TNS2: variants seen among roughly 807,000 people sequenced by gnomAD.
TNS2 encodes tensin 2, also known as tensin-2.
A neutral mutation model predicts 155.7 loss-of-function variants in TNS2; 77 were observed. That is an observed-to-expected ratio of 0.49 (90% CI 0.41 to 0.60). The LOEUF is 0.60. Ranked by LOEUF, TNS2 falls within the 20% of genes least tolerant of loss-of-function variation. The probability of loss-of-function intolerance (pLI) is 0.00; values close to 1 mark genes in which losing one functional copy is unlikely to be tolerated. For missense variants in TNS2, 1,703 were observed against 1,868.8 expected (o/e 0.91, Z 1.64); for synonymous variants, 726 against 763.9 (o/e 0.95, Z 0.82).
chr12:53,058,824 G>A lies in TNS2; in HGVS notation c.1402G>A (p.Asp468Asn). The A allele has an allele frequency of 6.2e-7, 1 of 1,613,372 alleles. No homozygotes were observed. Among genetic ancestry groups the A allele is most frequent in the Non-Finnish European group, 8.5e-7 (1 of 1,179,956 alleles). Reference sequence around the variant, plus strand: ...CAACCAGCACCACGAGGACAGTGTGGATGGTGCGCAGGCAGCCTGCAGGGT... The same window carrying A: ...CAACCAGCACCACGAGGACAGTGTGAATGGTGCGCAGGCAGCCTGCAGGGT... Reference protein sequence around the residue: ...NFNQHHEDSVDGSLTHTRGPL... With the variant: ...NFNQHHEDSVNGSLTHTRGPL... Residue 468 changes from aspartate to asparagine, a missense_variant, in exon 17 of 29, where the codon GAT (aspartate) becomes AAT (asparagine). Coordinates refer to ENST00000314250, the MANE Select transcript of TNS2 (RefSeq NM_170754.4).
At position 53,057,196 on chromosome 12, in the gene TNS2, C is replaced by G. The variant is rs111536532; in HGVS notation, c.845+100C>G. The stretch of plus-strand genomic sequence containing the variant: ...ATGCAGCACACTTTCACTGAGTGTG[C>G]CAAGCGCCGTGCCAGGTGCTGAGAA... On this transcript the variant is annotated intron_variant, in intron 11 of 28. Transcript: ENST00000314250. The G allele has an allele frequency of 6.9e-4, 911 of 1,311,004 alleles. 9 individuals carry two copies. In the African/African-American group the frequency reaches 0.012, roughly 17 times the overall value. 81.2% of individuals were successfully genotyped at this position (1,311,004 alleles called of 1,614,324 possible). A position where few individuals can be genotyped will look rare whatever the true frequency, so the allele number is the denominator to read the frequency against.
In TNS2 at chr12:53,050,518, C is replaced by G. The variant is rs1246874673; in HGVS notation, c.75+258C>G. Among the ~76,000 whole-genome samples, 3 of 152,056 alleles carry G rather than the reference C, an allele frequency of 2.0e-5. No homozygotes were observed. The highest frequency in any genetic ancestry group is 7.2e-5 in the African/African-American group (3 of 41,392). The stretch of plus-strand genomic sequence containing the variant: ...GCCAACCCCAGGAGGTCCTGGCCCC[C>G]CAACATAAGCCCCAGGTGCCTCACT... On this transcript the variant is annotated intron_variant, in intron 1 of 28. Transcript: ENST00000314250. The surrounding 1 kb of genome is among the most constrained non-coding windows in gnomAD (Gnocchi z 4.7).
In TNS2 at chr12:53,059,951, C is replaced by A; in HGVS notation, c.2310C>A (p.Tyr770Ter). The change falls in exon 18 of 29, where the codon TAC (tyrosine) becomes TAA (stop). Residue 770 changes from tyrosine to a stop codon, truncating the protein, a stop_gained. Coordinates refer to ENST00000314250, the MANE Select transcript of TNS2 (RefSeq NM_170754.4). LOFTEE classifies it high-confidence loss of function. This position sits in a 1 kb window ranked among gnomAD's most constrained non-coding sequence, Gnocchi z 4.7. ...AGEEGHEGCS[Y>*]TMCPEGRYGH... ...AGGAAGGGCACGAGGGCTGCTCCTA[C>A]ACCATGTGCCCCGAAGGCAGGTATG... 1 of 1,612,638 alleles carries A rather than the reference C, an allele frequency of 6.2e-7. No homozygotes were observed.
intron 22 of TNS2, 101 bp downstream of exon 22, chr12:53,062,041 T>A (rs917317289): frequency 1.9e-6 from 3 of 1,611,450 alleles, no homozygotes; most frequent in Non-Finnish European, 1.7e-6. Context: ...GCCATGCCGC[T>A]GTAGAGGGGA....
chr12:53,058,119 C>T lies in TNS2; in HGVS notation c.1095+17C>T. On this transcript the variant is annotated intron_variant, in intron 14 of 28. Coordinates refer to ENST00000314250, the MANE Select transcript of TNS2 (RefSeq NM_170754.4). ...GATGTCATGGTGAGGGGGGTCCTGT[C>T]AACAAGAAGAATCCTGGAGATGGGG... 2 of 1,614,160 alleles carry T rather than the reference C, an allele frequency of 1.2e-6. No individual in the cohort carries two copies. The highest frequency in any genetic ancestry group is 1.6e-4 in the Middle Eastern group (1 of 6,062).
rs368056699 is a variant in TNS2 at position 53,054,407 on chromosome 12, A to C, written c.488A>C (p.His163Pro). ...RHRGHLRELAHVLQSKHRDKY... is the reference protein window; with the variant it reads ...RHRGHLRELAPVLQSKHRDKY... ...CGGGGCCACCTGCGCGAGCTGGCCC[A>C]TGTGCTGCAATCCAAGCACCGGGAC... The change falls in exon 7 of 29, where the codon CAT becomes CCT. Residue 163 changes from histidine to proline, a missense_variant. By Grantham distance (77) the His-to-Pro change is moderately conservative (BLOSUM62 -2). Coordinates refer to ENST00000314250, the MANE Select transcript of TNS2 (RefSeq NM_170754.4). The C allele has an allele frequency of 6.2e-7, 1 of 1,606,304 alleles. No homozygotes were observed. Among genetic ancestry groups the C allele is most frequent in the South Asian group, 1.1e-5 (1 of 90,742 alleles).
rs560324929 is a variant in TNS2, at chr12:53,050,962, G to A, written c.75+702G>A. ...TGAACTCCAGAGGAGGGGGAATATG[G>A]GTAAAACAGAGAGATGGCAAGGAGA... On this transcript the variant is annotated intron_variant, in intron 1 of 28. Transcript: ENST00000314250. This position sits in a 1 kb window ranked among gnomAD's most constrained non-coding sequence, Gnocchi z 4.7. Among the ~76,000 whole-genome samples, 4 of 152,226 alleles carry A rather than the reference G, an allele frequency of 2.6e-5. No individual in the cohort carries two copies. In the South Asian group the frequency reaches 6.2e-4, roughly 24 times the overall value.
intron 2 of TNS2, 42 bp from the exon 3 acceptor site, chr12:53,052,413 A>T (rs1303169978): frequency 1.2e-6 from 2 of 1,613,198 alleles, no homozygotes; most frequent in South Asian, 1.1e-5. Flanking sequence ...CCACTGTCCC[A>T]CAGGCCCCTG....
In TNS2 at chr12:53,057,623, C is replaced by G. The variant is rs762966406; in HGVS notation, c.902C>G (p.Pro301Arg). The G allele has an allele frequency of 1.9e-6, 3 of 1,614,014 alleles. No homozygotes were observed. Among genetic ancestry groups the G allele is most frequent in the African/African-American group, 1.3e-5 (1 of 75,036 alleles). Residue 301 changes from proline to arginine, a missense_variant, in exon 12 of 29, where the codon CCT (proline) becomes CGT (arginine). Transcript: ENST00000314250. ...LSGSIRMNSS[P>R]LFLHYVLIPM... ...GGCTCCATCAGAATGAACAGCAGCCCTCTCTTCCTGCACTATGTGCTCATC... is the reference window on the plus strand; with the variant it reads ...GGCTCCATCAGAATGAACAGCAGCCGTCTCTTCCTGCACTATGTGCTCATC...
At position 53,055,801 on chromosome 12, in the gene TNS2, G is replaced by C. The variant is rs1013478046; in HGVS notation, c.717G>C (p.Gly239=). The C allele has an allele frequency of 6.2e-6, 10 of 1,614,070 alleles. No homozygotes were observed. The highest frequency in any genetic ancestry group is 7.6e-6 in the Non-Finnish European group (9 of 1,180,042). ...LYCKGNKGKL[G]VIVSAYMHYS... is the part of the protein sequence containing the mutation. ...GTCAGGGAAACAAGGGCAAGCTTGG[G>C]GTCATCGTTTCTGCCTACATGCACT... The change falls in exon 10 of 29, where the codon GGG becomes GGC. Residue 239 remains glycine (G), a synonymous_variant. Coordinates refer to ENST00000314250, the MANE Select transcript of TNS2 (RefSeq NM_170754.4).
chr12:53,050,512 G>T lies in TNS2; in HGVS notation c.75+252G>T, dbSNP rs1943892988. On this transcript the variant is annotated intron_variant, in intron 1 of 28. Transcript: ENST00000314250. The surrounding 1 kb of genome is among the most constrained non-coding windows in gnomAD (Gnocchi z 4.7). ...GCCTGGGCCAACCCCAGGAGGTCCTGGCCCCCCAACATAAGCCCCAGGTGC... is the reference window on the plus strand; with the variant it reads ...GCCTGGGCCAACCCCAGGAGGTCCTTGCCCCCCAACATAAGCCCCAGGTGC... Among the ~76,000 whole-genome samples, 1 of 152,092 alleles carries T rather than the reference G, an allele frequency of 6.6e-6. No individual in the cohort carries two copies. Among genetic ancestry groups the T allele is most frequent in the Non-Finnish European group, 1.5e-5 (1 of 68,008 alleles).
intron 2 of TNS2, 182 bp downstream of exon 2, chr12:53,052,145 C>T (rs947088373): frequency 1.6e-6 from 1 of 615,562 alleles, no homozygotes; most frequent in East Asian, 2.8e-5. Context: ...ACAGACACCT[C>T]CCATAACCCA....
upstream of TNS2, chr12:53,049,298 G>T: frequency 6.6e-7 from 1 of 1,504,580 alleles, no homozygotes; most frequent in Middle Eastern, 1.9e-4. Context: ...CAGCCCTTGG[G>T]TAGAGAGCCC....
At chr12:53,052,430 C>T (rs777984307) in intron 2 of TNS2, 25 bp from the exon 3 acceptor site, 4 of 1,613,814 alleles carry the variant, frequency 2.5e-6, no homozygotes, top group Middle Eastern at 1.6e-4. Context: ...CCTGCTAACC[C>T]CTCTCCTCCC....
At position 53,059,385 on chromosome 12, in the gene TNS2, C is replaced by G. The variant is rs1350083346; in HGVS notation, c.1744C>G (p.Pro582Ala). 1 of 1,465,146 alleles carries G rather than the reference C, an allele frequency of 6.8e-7. No individual in the cohort carries two copies. The highest frequency in any genetic ancestry group is 1.4e-5 in the African/African-American group (1 of 69,656). 90.8% of individuals were successfully genotyped at this position (1,465,146 alleles called of 1,614,324 possible). ...VGGGPHLGVY[P>A]GHRPGLSRHC... Reference sequence around the variant, plus strand: ...CGGAGGCCCCCACCTCGGAGTGTATCCAGGCCATAGGCCTGGCCTCAGCCG... The same window carrying G: ...CGGAGGCCCCCACCTCGGAGTGTATGCAGGCCATAGGCCTGGCCTCAGCCG... The change falls in exon 18 of 29, where the codon CCA (proline) becomes GCA (alanine). Residue 582 changes from proline (P) to alanine (A), a missense_variant. Physicochemically the swap from Pro to Ala is conservative, Grantham distance 27 (BLOSUM62 -1). Transcript: ENST00000314250. The surrounding 1 kb of genome is among the most constrained non-coding windows in gnomAD (Gnocchi z 4.7).
chr12:53,060,817 C>T lies in TNS2; in HGVS notation c.2911C>T (p.Pro971Ser), dbSNP rs751915270. 2.3e-5 allele frequency: 37 copies of T among 1,610,494 alleles called. No individual in the cohort carries two copies. The South Asian group carries it at 4.1e-4, about 18-fold the overall frequency. ...GGGAAGTGGGCCTGAGCCTCTGGCC[C>T]CTAGCCCAGTCTCTCCGACCTTCCC... Reference protein sequence around the residue: ...PSGSGPEPLAPSPVSPTFPPS... With the variant: ...PSGSGPEPLASSPVSPTFPPS... Residue 971 changes from proline to serine, a missense_variant, in exon 20 of 29, where the codon CCT (proline) becomes TCT (serine). Coordinates refer to ENST00000314250, the MANE Select transcript of TNS2 (RefSeq NM_170754.4). The surrounding 1 kb of genome is among the most constrained non-coding windows in gnomAD (Gnocchi z 6.1).
intron 7 of TNS2, among the ~76,000 whole-genome samples, 186 bp downstream of exon 7, chr12:53,054,627 G>C (rs979631066): frequency 1.3e-5 from 2 of 152,184 alleles, no homozygotes; most frequent in African/African-American, 4.8e-5. Context: ...CTGGCGACTT[G>C]GCTGTGACTG....
At position 53,059,903 on chromosome 12, in the gene TNS2, C is replaced by T; in HGVS notation, c.2262C>T (p.Cys754=). 1.2e-6 allele frequency: 2 copies of T among 1,612,596 alleles called. No homozygotes were observed. Among genetic ancestry groups the T allele is most frequent in the Non-Finnish European group, 1.7e-6 (2 of 1,179,572 alleles). ...HHHAPMPDYS[C]LKPPKAGEEG... is the part of the protein sequence containing the mutation. ...ATGCCCCGATGCCTGACTACAGCTG[C>T]CTGAAGCCACCCAAGGCAGGCGAGG... The change falls in exon 18 of 29, where the codon TGC becomes TGT. Residue 754 remains cysteine (C), a synonymous_variant. Transcript: ENST00000314250. The surrounding 1 kb of genome is among the most constrained non-coding windows in gnomAD (Gnocchi z 4.7).
intron 14 of TNS2, 68 bp from the exon 15 acceptor site, chr12:53,058,248 C>T: frequency 4.4e-6 from 7 of 1,602,958 alleles, no homozygotes; most frequent in Non-Finnish European, 5.1e-6. Context: ...TGTGACCAGG[C>T]AGTCCCCAGG....
Sources: allele counts gnomAD v4.1 joint callset (sites outside exome capture counted in the v4.1 genomes callset), GRCh38; gene constraint gnomAD v4.1.1; non-coding constraint Gnocchi (gnomAD v3.1); transcripts MANE v1.5; gene names NCBI Gene and HGNC (gene_info 2026-07-23, HGNC 2026-07-21).